Variants in OR3A2 observed in about 807,000 individuals in gnomAD.
OR3A2 encodes olfactory receptor 3A2.
For missense variants in OR3A2, 318 were observed against 392.8 expected (o/e 0.81, Z 1.61); for synonymous variants, 126 against 159.3 (o/e 0.79, Z 1.57).
intron 3 of OR3A2, among the ~76,000 whole-genome samples, chr17:3,320,732 G>A (rs374965128): frequency 2.6e-5 from 4 of 151,894 alleles, no homozygotes; most frequent in East Asian, 1.9e-4. Context: ...TGTTCCATTG[G>A]TCTATATCTC....
chr17:3,371,401 G>T lies in OR3A2; in HGVS notation c.-179+12403C>A, dbSNP rs1441487026. On this transcript the variant is annotated intron_variant, in intron 2 of 4. Coordinates refer to the OR3A2 transcript ENST00000573491. ...ACCCCCCCACCTCCCTCCCGGACGG[G>T]GTGGCTGGCTGGGCAGGGGGCTGAC... is the stretch of plus-strand genomic sequence containing the variant. Among the ~76,000 whole-genome samples the T allele has an allele frequency of 3.3e-5, 5 of 149,338 alleles. No homozygotes were observed. The South Asian group carries it at 1.1e-3, about 32-fold the overall frequency.
At chr17:3,349,151 A>T (rs967710020) in intron 2 of OR3A2, among the ~76,000 whole-genome samples, 3 of 152,112 alleles carry the variant, frequency 2.0e-5, no homozygotes, top group Non-Finnish European at 2.9e-5. Context: ...AGCTAACATC[A>T]TAATGACAAG....
intron 3 of OR3A2, among the ~76,000 whole-genome samples, chr17:3,314,620 A>G (rs896971985): frequency 3.3e-5 from 5 of 152,150 alleles, no homozygotes; most frequent in Admixed American, 6.5e-5. Flanking sequence ...TTCGGTTTTT[A>G]CTCCATTTAC....
At chr17:3,382,465 AC>A (rs1370984361) in intron 2 of OR3A2, among the ~76,000 whole-genome samples, 1 of 152,192 alleles carries the variant, frequency 6.6e-6, no homozygotes, top group African/African-American at 2.4e-5. Context: ...AAGACTGGGT[AC>A]CTCTGGCTGG....
At chr17:3,358,135 A>G (rs1298706817) in intron 2 of OR3A2, among the ~76,000 whole-genome samples, 1 of 151,718 alleles carries the variant, frequency 6.6e-6, no homozygotes, top group East Asian at 1.9e-4. Flanking sequence ...GGGCTGAATT[A>G]TATCATATAA....
chr17:3,341,166 C>A (rs2049314764), intron 2 of OR3A2, among the ~76,000 whole-genome samples: 1 of 152,008 alleles, frequency 6.6e-6, no homozygotes, highest in Non-Finnish European at 1.5e-5. Context: ...GTGTCTCTGC[C>A]CATGAGATGG....
At chr17:3,369,881 G>A (rs1373307073) in intron 2 of OR3A2, among the ~76,000 whole-genome samples, 1 of 148,540 alleles carries the variant, frequency 6.7e-6, no homozygotes, top group Non-Finnish European at 1.5e-5. Context: ...TCAGCTCACT[G>A]CAACCTCTGC....
At chr17:3,329,183 G>A (rs540873207) in intron 3 of OR3A2, among the ~76,000 whole-genome samples, 2 of 151,822 alleles carry the variant, frequency 1.3e-5, no homozygotes, top group Non-Finnish European at 2.9e-5. Context: ...TTTTTTGGTT[G>A]TGACTCTGCC....
intron 2 of OR3A2, among the ~76,000 whole-genome samples, chr17:3,347,950 A>G (rs954214530): frequency 1.3e-5 from 2 of 152,082 alleles, no homozygotes; most frequent in Admixed American, 6.6e-5. Flanking sequence ...ACTGGTGTGA[A>G]ATGGTATCTC....
At position 3,374,186 on chromosome 17, in the gene OR3A2, C is replaced by T. The variant is rs1023231891; in HGVS notation, c.-179+9618G>A. Among the ~76,000 whole-genome samples the T allele has an allele frequency of 3.3e-5, 5 of 152,166 alleles. No homozygotes were observed. The East Asian group carries it at 7.7e-4, about 23-fold the overall frequency. On this transcript the variant is annotated intron_variant, in intron 2 of 4. Transcript: ENST00000573491. Reference sequence around the variant, plus strand: ...ATCTGCTGTTAATCTGATAGGTTTTCCTTTATAGTTTACCTGATGCCTTTG... The same window carrying T: ...ATCTGCTGTTAATCTGATAGGTTTTTCTTTATAGTTTACCTGATGCCTTTG...
At chr17:3,317,935 C>T (rs868097660) in intron 3 of OR3A2, among the ~76,000 whole-genome samples, 6 of 152,158 alleles carry the variant, frequency 3.9e-5, no homozygotes, top group African/African-American at 1.2e-4. Flanking sequence ...AGTGTCCCCC[C>T]GCTCTCTCCA....
intron 3 of OR3A2, chr17:3,292,382 C>G: frequency 6.2e-7 from 1 of 1,614,044 alleles, no homozygotes; most frequent in Non-Finnish European, 8.5e-7. Context: ...CTGATAGGTT[C>G]CCCAGGAAGA....
At chr17:3,377,078 G>C (rs1487179221) in intron 2 of OR3A2, among the ~76,000 whole-genome samples, 1 of 152,214 alleles carries the variant, frequency 6.6e-6, no homozygotes, top group African/African-American at 2.4e-5. Flanking sequence ...TTTTTCAGCT[G>C]CCTTGCAGAG....
At chr17:3,350,070 A>T (rs868028409) in intron 2 of OR3A2, among the ~76,000 whole-genome samples, 1 of 149,614 alleles carries the variant, frequency 6.7e-6, no homozygotes, top group African/African-American at 2.5e-5. Flanking sequence ...AATGCCCACA[A>T]GAGAAAGCAG....
At chr17:3,378,960 C>G (rs534988772) in intron 2 of OR3A2, among the ~76,000 whole-genome samples, 8 of 152,178 alleles carry the variant, frequency 5.3e-5, no homozygotes, top group Non-Finnish European at 1.2e-4. Flanking sequence ...TTACTCCTCT[C>G]AATTTACCAG....
chr17:3,332,169 T>C (rs1318814622), intron 3 of OR3A2, among the ~76,000 whole-genome samples: 2 of 152,238 alleles, frequency 1.3e-5, no homozygotes, highest in Non-Finnish European at 2.9e-5. Context: ...TGACTTTTTG[T>C]CTGTGCCCTG....
At chr17:3,361,075 G>C (rs572754814) in intron 2 of OR3A2, among the ~76,000 whole-genome samples, 1 of 151,550 alleles carries the variant, frequency 6.6e-6, no homozygotes, top group African/African-American at 2.4e-5. Flanking sequence ...CCATTTGTTT[G>C]TGTCCTCTTT....
intron 1 of OR3A2, among the ~76,000 whole-genome samples, chr17:3,281,265 C>T: frequency 6.7e-6 from 1 of 148,168 alleles, no homozygotes. Flanking sequence ...GATGGAGTCT[C>T]CCTCTGTCAC....
chr17:3,375,516 G>T (rs2049676116), intron 2 of OR3A2, among the ~76,000 whole-genome samples: 1 of 151,718 alleles, frequency 6.6e-6, no homozygotes, highest in Non-Finnish European at 1.5e-5. Flanking sequence ...TGGTCAGGCT[G>T]GTCTCAAACT....
Sources: allele counts gnomAD v4.1 joint callset (sites outside exome capture counted in the v4.1 genomes callset), GRCh38; gene constraint gnomAD v4.1.1; transcripts MANE v1.5; gene names NCBI Gene and HGNC (gene_info 2026-07-23, HGNC 2026-07-21).